The following SLC9A9 variants were observed in gnomAD, a reference collection of about 807,000 sequenced individuals.
The protein encoded by SLC9A9 is sodium/hydrogen exchanger 9.
SLC9A9 carries 62 observed loss-of-function variants against 77.8 expected under a neutral mutation model. The ratio of observed to expected loss-of-function variants is 0.80; its 90% confidence interval spans 0.65 to 0.98. The LOEUF (loss-of-function observed/expected upper bound fraction) is 0.98. SLC9A9 is among the 50% of genes least tolerant of loss of function. The probability of loss-of-function intolerance (pLI) is 0.00; values close to 1 mark genes in which losing one functional copy is unlikely to be tolerated. For missense variants in SLC9A9, 775 were observed against 774.9 expected (o/e 1.00, Z 0.00); for synonymous variants, 320 against 283.5 (o/e 1.13, Z -1.29).
At chr3:143,513,903 T>A (rs963456021) in intron 9 of SLC9A9, among the ~76,000 whole-genome samples, 1 of 152,224 alleles carries the variant, frequency 6.6e-6, no homozygotes, top group Non-Finnish European at 1.5e-5. Flanking sequence ...GTTACATATG[T>A]ATACATGTGC....
At chr3:143,647,444 CT>C (rs2038724344) in intron 6 of SLC9A9, among the ~76,000 whole-genome samples, 1 of 152,094 alleles carries the variant, frequency 6.6e-6, no homozygotes, top group Admixed American at 6.6e-5. Flanking sequence ...CTTTTGATAT[CT>C]TGATCACCTG....
chr3:143,418,536 G>A (rs1463496535), intron 12 of SLC9A9, among the ~76,000 whole-genome samples: 1 of 152,104 alleles, frequency 6.6e-6, no homozygotes, highest in Non-Finnish European at 1.5e-5. Flanking sequence ...CAGGTTTGAA[G>A]GTGGCAGGCG....
intron 9 of SLC9A9, among the ~76,000 whole-genome samples, chr3:143,502,363 G>GTAATT (rs2035936706): frequency 7.0e-6 from 1 of 142,932 alleles, no homozygotes. Flanking sequence ...AACGCTCATG[G>GTAATT]TAACCATTCA....
intron 4 of SLC9A9, among the ~76,000 whole-genome samples, chr3:143,765,009 TTCTC>T (rs1163894162): frequency 2.7e-5 from 4 of 149,938 alleles, no homozygotes; most frequent in South Asian, 2.1e-4. Context: ...CTTTCTTTCT[TTCTC>T]TCTTTCTCTT....
chr3:143,777,862 A>G lies in SLC9A9; in HGVS notation c.533+17139T>C, dbSNP rs568682456. 3.3e-5 allele frequency among the ~76,000 whole-genome samples: 5 copies of G among 151,508 alleles called. No individual in the cohort carries two copies. The East Asian group carries it at 7.8e-4, about 24-fold the overall frequency. The stretch of plus-strand genomic sequence containing the variant: ...CCTAAATACCTGGGATTACAGGCAC[A>G]TGCCACCACACCTGGCTAATTTTTG... On this transcript the variant is annotated intron_variant, in intron 4 of 15. Transcript: ENST00000316549.
chr3:143,396,935 A>G (rs187732089), intron 12 of SLC9A9, among the ~76,000 whole-genome samples: 184 of 152,314 alleles, frequency 1.2e-3, no homozygotes, highest in Non-Finnish European at 2.4e-3. Context: ...TTTGGAGTGT[A>G]TAAGTATGCT....
chr3:143,476,634 G>A (rs1258392617), intron 11 of SLC9A9, among the ~76,000 whole-genome samples: 2 of 152,228 alleles, frequency 1.3e-5, no homozygotes, highest in East Asian at 3.8e-4. Context: ...AACATAGATC[G>A]GAAGAAAGTC....
chr3:143,522,501 T>C (rs760902540), intron 9 of SLC9A9, among the ~76,000 whole-genome samples: 1 of 152,156 alleles, frequency 6.6e-6, no homozygotes, highest in Non-Finnish European at 1.5e-5. Flanking sequence ...TCTTTTTCCA[T>C]TGATTCTAGA....
At chr3:143,797,749 CT>C (rs1463495052) in intron 2 of SLC9A9, among the ~76,000 whole-genome samples, 1 of 152,180 alleles carries the variant, frequency 6.6e-6, no homozygotes, top group African/African-American at 2.4e-5. Context: ...TCCCCCGCCC[CT>C]GCCCACCAGA....
At chr3:143,798,381 C>T (rs990561812) in intron 2 of SLC9A9, among the ~76,000 whole-genome samples, 2 of 152,188 alleles carry the variant, frequency 1.3e-5, no homozygotes, top group African/African-American at 4.8e-5. Context: ...CTGCCTTGGT[C>T]ATTCACCCAC....
intron 9 of SLC9A9, among the ~76,000 whole-genome samples, chr3:143,535,618 T>C (rs2036578114): frequency 6.6e-6 from 1 of 152,168 alleles, no homozygotes; most frequent in South Asian, 2.1e-4. Context: ...CGACTTAAGA[T>C]ACAAAGGTGC....
chr3:143,720,827 C>CAATGAA (rs201788848), intron 4 of SLC9A9, among the ~76,000 whole-genome samples: 3,952 of 152,288 alleles, frequency 0.026, 160 homozygotes, highest in African/African-American at 0.089. Flanking sequence ...GGGTCCAGCC[C>CAATGAA]ATATTGGCTG....
At chr3:143,817,657 A>G (rs879143915) in intron 2 of SLC9A9, among the ~76,000 whole-genome samples, 1 of 152,230 alleles carries the variant, frequency 6.6e-6, no homozygotes, top group Admixed American at 6.5e-5. Context: ...TTTTTCTTCC[A>G]TATTGATAGC....
intron 4 of SLC9A9, among the ~76,000 whole-genome samples, chr3:143,723,763 CT>C (rs1934564848): frequency 6.6e-6 from 1 of 152,198 alleles, no homozygotes; most frequent in Non-Finnish European, 1.5e-5. Flanking sequence ...CATCTTAGCA[CT>C]GCATTCACCC....
At chr3:143,597,224 G>A (rs2037769658) in intron 6 of SLC9A9, among the ~76,000 whole-genome samples, 1 of 152,144 alleles carries the variant, frequency 6.6e-6, no homozygotes, top group Non-Finnish European at 1.5e-5. Context: ...TTGGCTTGGA[G>A]CCACTATTGT....
chr3:143,430,093 G>A (rs1484675312), intron 12 of SLC9A9, among the ~76,000 whole-genome samples: 6 of 152,112 alleles, frequency 3.9e-5, no homozygotes, highest in Non-Finnish European at 5.9e-5. Flanking sequence ...TAGGGGAGAG[G>A]GCATTTTCAG....
chr3:143,344,170 T>C (rs924001062), intron 14 of SLC9A9, among the ~76,000 whole-genome samples: 1 of 152,192 alleles, frequency 6.6e-6, no homozygotes, highest in African/African-American at 2.4e-5. Flanking sequence ...ACTTTGTGTA[T>C]TGGCAGAGGA....
intron 14 of SLC9A9, chr3:143,314,418 G>A (rs1441730091): frequency 1.3e-5 from 2 of 152,298 alleles, no homozygotes; most frequent in African/African-American, 4.8e-5. Flanking sequence ...TACCGAGTAG[G>A]TTTAAGGGAG....
Position 143,434,926 on chromosome 3 carries a change from C to T in SLC9A9, c.1469+32111G>A, listed in dbSNP as rs886969709. On this transcript the variant is annotated intron_variant, in intron 12 of 15. Transcript: ENST00000316549. The stretch of plus-strand genomic sequence containing the variant: ...GTCCACCCCACGAGCCCCTTCTGAC[C>T]TCCCTGCCGCTGCTCATTTTAACCT... Among the ~76,000 whole-genome samples the T allele has an allele frequency of 3.9e-5, 6 of 152,244 alleles. No individual in the cohort carries two copies. The South Asian group carries it at 1.2e-3, about 32-fold the overall frequency.
Sources: allele counts gnomAD v4.1 joint callset (sites outside exome capture counted in the v4.1 genomes callset), GRCh38; gene constraint gnomAD v4.1.1; transcripts MANE v1.5; gene names NCBI Gene and HGNC (gene_info 2026-07-23, HGNC 2026-07-21).